Variants in LRFN5 observed in about 807,000 individuals in gnomAD.
The protein encoded by LRFN5 is leucine rich repeat and fibronectin type III domain containing 5.
LRFN5 carries 24 observed loss-of-function variants against 45.6 expected under a neutral mutation model. That is an observed-to-expected ratio of 0.53 (90% confidence interval 0.38 to 0.74). The LOEUF (loss-of-function observed/expected upper bound fraction) is 0.74, where lower values mean the gene tolerates loss of function less well. LRFN5 is among the 30% of genes least tolerant of loss of function. The probability of loss-of-function intolerance (pLI) is 0.00; values close to 1 mark genes in which losing one functional copy is unlikely to be tolerated. For missense variants in LRFN5, 776 were observed against 861.5 expected (o/e 0.90, Z 1.24); for synonymous variants, 340 against 313.8 (o/e 1.08, Z -0.88).
intron 2 of LRFN5, among the ~76,000 whole-genome samples, chr14:41,806,510 G>A (rs1433782182): frequency 6.7e-6 from 1 of 150,306 alleles, no homozygotes; most frequent in Non-Finnish European, 1.5e-5. Flanking sequence ...TAGATCTTGA[G>A]TAACTAAAAG....
chr14:41,680,308 C>T (rs1881828169), intron 1 of LRFN5, among the ~76,000 whole-genome samples: 1 of 152,120 alleles, frequency 6.6e-6, no homozygotes, highest in Non-Finnish European at 1.5e-5. Flanking sequence ...AGCCTTTGGC[C>T]CAGACCCAGT....
At chr14:41,792,842 A>G (rs934671514) in intron 2 of LRFN5, among the ~76,000 whole-genome samples, 4 of 152,202 alleles carry the variant, frequency 2.6e-5, no homozygotes, top group Non-Finnish European at 5.9e-5. Flanking sequence ...GCTTACAAAG[A>G]TAACAGGATT....
intron 2 of LRFN5, among the ~76,000 whole-genome samples, chr14:41,880,822 T>C (rs536253439): frequency 1.3e-5 from 2 of 152,362 alleles, no homozygotes; most frequent in South Asian, 2.1e-4. Flanking sequence ...TGAGTCCATG[T>C]GCATTCAGTG....
intron 1 of LRFN5, among the ~76,000 whole-genome samples, chr14:41,754,636 T>G (rs990158988): frequency 6.6e-6 from 1 of 152,284 alleles, no homozygotes; most frequent in South Asian, 2.1e-4. Flanking sequence ...TTTTATTGTG[T>G]CTATTTGATT....
chr14:41,636,616 A>T (rs891416686), intron 1 of LRFN5, among the ~76,000 whole-genome samples: 6 of 141,032 alleles, frequency 4.3e-5, no homozygotes, highest in African/African-American at 8.1e-5. Flanking sequence ...AAGTATAATT[A>T]AAAAAAAAAA....
chr14:41,705,109 G>A (rs1239201498), intron 1 of LRFN5, among the ~76,000 whole-genome samples: 1 of 151,986 alleles, frequency 6.6e-6, no homozygotes, highest in Non-Finnish European at 1.5e-5. Flanking sequence ...CAAAAGGAGA[G>A]AGTAACAATT....
At chr14:41,828,872 T>C (rs759454421) in intron 2 of LRFN5, among the ~76,000 whole-genome samples, 3 of 152,016 alleles carry the variant, frequency 2.0e-5, no homozygotes, top group Non-Finnish European at 4.4e-5. Flanking sequence ...ACTTACCTGA[T>C]GCAATTTCCT....
chr14:41,756,093 C>T (rs545547658), intron 1 of LRFN5, among the ~76,000 whole-genome samples: 28 of 152,156 alleles, frequency 1.8e-4, no homozygotes, highest in African/African-American at 1.7e-4. Context: ...GAATATTGGC[C>T]CCCACTCTCT....
intron 1 of LRFN5, among the ~76,000 whole-genome samples, chr14:41,726,188 G>C (rs1478718023): frequency 6.6e-6 from 1 of 152,042 alleles, no homozygotes; most frequent in Non-Finnish European, 1.5e-5. Flanking sequence ...CATAGTCTTT[G>C]TTCCTTCAAT....
intron 1 of LRFN5, among the ~76,000 whole-genome samples, chr14:41,647,589 G>A (rs535430358): frequency 6.6e-6 from 1 of 152,134 alleles, no homozygotes; most frequent in Admixed American, 6.6e-5. Flanking sequence ...TTAGTTGGAG[G>A]TCATAATATG....
rs200608744 is a variant in LRFN5, at chr14:41,831,942, T to G, written c.-20-54664T>G. ...TACTGGCTTACAGATGTCCACCTTC[T>G]CCTTGTCCTCACCTAGCAGAGAGAA... On this transcript the variant is annotated intron_variant, in intron 2 of 5. Transcript: ENST00000298119. 5.9e-5 allele frequency among the ~76,000 whole-genome samples: 9 copies of G among 152,298 alleles called. No individual in the cohort carries two copies. The East Asian group carries it at 1.7e-3, about 29-fold the overall frequency.
In LRFN5 at chr14:41,607,004, G is replaced by C. The variant is rs1167744035; in HGVS notation, c.-1755G>C. Reference sequence around the variant, plus strand: ...CCGCCCCGGCCGCGGCCGCAGCCCCGGACCTCGGCTGCTTGCCTCGCGCCT... The same window carrying C: ...CCGCCCCGGCCGCGGCCGCAGCCCCCGACCTCGGCTGCTTGCCTCGCGCCT... On this transcript the variant is annotated 5_prime_UTR_variant, in exon 1 of 6. Coordinates refer to ENST00000298119, the MANE Select transcript of LRFN5 (RefSeq NM_152447.5). Among the ~76,000 whole-genome samples, 1 of 152,082 alleles carries C rather than the reference G, an allele frequency of 6.6e-6. No homozygotes were observed. Among genetic ancestry groups the C allele is most frequent in the Non-Finnish European group, 1.5e-5 (1 of 67,988 alleles).
intron 2 of LRFN5, among the ~76,000 whole-genome samples, chr14:41,871,521 G>A (rs531426472): frequency 6.1e-4 from 93 of 151,934 alleles, no homozygotes; most frequent in Middle Eastern, 3.4e-3. Flanking sequence ...CCCGGGAGGC[G>A]GAGGTTGTAG....
intron 1 of LRFN5, among the ~76,000 whole-genome samples, chr14:41,723,608 C>A (rs1431579726): frequency 1.3e-5 from 2 of 152,056 alleles, no homozygotes; most frequent in African/African-American, 4.8e-5. Context: ...GGGCATCCAG[C>A]AATGACACAC....
intron 1 of LRFN5, among the ~76,000 whole-genome samples, chr14:41,707,246 G>T (rs974907543): frequency 6.6e-5 from 10 of 152,154 alleles, no homozygotes; most frequent in African/African-American, 2.4e-4. Flanking sequence ...TCTCTGCCAT[G>T]CTTATCCTTT....
chr14:41,846,214 G>GACACACAC (rs61090774), intron 2 of LRFN5, among the ~76,000 whole-genome samples: 25,997 of 150,364 alleles, frequency 0.17, 2,854 homozygotes, highest in East Asian at 0.48. Context: ...TGTTTACACA[G>GACACACAC]ACACACACAC....
chr14:41,656,317 A>G (rs1173260374), intron 1 of LRFN5, among the ~76,000 whole-genome samples: 3 of 151,884 alleles, frequency 2.0e-5, no homozygotes, highest in Non-Finnish European at 2.9e-5. Flanking sequence ...CTCTGAGAAG[A>G]CTCTTTATGC....
intron 1 of LRFN5, among the ~76,000 whole-genome samples, chr14:41,665,440 A>C (rs1337988907): frequency 6.6e-6 from 1 of 152,068 alleles, no homozygotes; most frequent in African/African-American, 2.4e-5. Flanking sequence ...CAGTGCAGGA[A>C]ACTCATCTGG....
intron 1 of LRFN5, among the ~76,000 whole-genome samples, chr14:41,671,888 A>G (rs1187609828): frequency 6.6e-6 from 1 of 151,988 alleles, no homozygotes; most frequent in African/African-American, 2.4e-5. Context: ...ACAGTGCTGA[A>G]ATTACAGATG....
Sources: allele counts gnomAD v4.1 joint callset (sites outside exome capture counted in the v4.1 genomes callset), GRCh38; gene constraint gnomAD v4.1.1; transcripts MANE v1.5; gene names NCBI Gene and HGNC (gene_info 2026-07-23, HGNC 2026-07-21).